Variants in THRB observed in about 807,000 individuals in gnomAD.
The protein encoded by THRB is nuclear receptor subfamily 1 group A member 2.
THRB carries 12 observed loss-of-function variants against 47.8 expected under a neutral mutation model. The observed-to-expected ratio is 0.25, with a 90% confidence interval of 0.16 to 0.41. THRB has a LOEUF of 0.41. THRB is among the 10% of genes least tolerant of loss of function. The pLI, the probability that THRB is intolerant of heterozygous loss-of-function variation, is 1.00. For missense variants in THRB, 348 were observed against 589.2 expected, an observed-to-expected ratio of 0.59 and a Z score of 4.24; for synonymous variants, 218 against 212.2, an observed-to-expected ratio of 1.03 and a Z score of -0.24.
At chr3:24,253,960 T>G (rs1167404262) in intron 3 of THRB, among the ~76,000 whole-genome samples, 1 of 151,778 alleles carries the variant, frequency 6.6e-6, no homozygotes, top group Non-Finnish European at 1.5e-5. Flanking sequence ...CCATTTTTTT[T>G]TTTTCTTACC....
chr3:24,467,349 G>C (rs1297208393), intron 1 of THRB, among the ~76,000 whole-genome samples: 1 of 152,086 alleles, frequency 6.6e-6, no homozygotes, highest in Non-Finnish European at 1.5e-5. Context: ...CCAAACTCCT[G>C]TTAATGTTGA....
intron 10 of THRB, among the ~76,000 whole-genome samples, chr3:24,123,794 G>C (rs2032166538): frequency 6.6e-6 from 1 of 152,120 alleles, no homozygotes; most frequent in Admixed American, 6.5e-5. Context: ...GCAGAGAAGA[G>C]AACAGCTATA....
At chr3:24,457,794 C>T (rs1366629949) in intron 1 of THRB, among the ~76,000 whole-genome samples, 2 of 152,158 alleles carry the variant, frequency 1.3e-5, no homozygotes, top group African/African-American at 2.4e-5. Context: ...GAGTGTAAGA[C>T]ACTGTGTAGC....
intron 3 of THRB, among the ~76,000 whole-genome samples, chr3:24,284,679 T>C (rs1026245242): frequency 1.3e-5 from 2 of 148,988 alleles, no homozygotes; most frequent in African/African-American, 2.6e-5. Flanking sequence ...TGCAACCTAC[T>C]CATCTGACAA....
intron 1 of THRB, among the ~76,000 whole-genome samples, chr3:24,472,071 A>T (rs1694784661): frequency 6.6e-6 from 1 of 152,140 alleles, no homozygotes; most frequent in Non-Finnish European, 1.5e-5. Flanking sequence ...AGAGTAGGAC[A>T]TTTTCCTTAA....
rs147265478 is a variant in THRB at position 24,131,020 on chromosome 3, A to ACAGTG, written c.885+2295_885+2296insCACTG. ...AGTTGGTACAGTGACAGGTGCTGGT[A>ACAGTG]ACGATCTGCTTCTTTTGGTGCCGAT... is the stretch of plus-strand genomic sequence containing the variant. On this transcript the variant is annotated intron_variant, in intron 9 of 10. Coordinates refer to ENST00000646209, the MANE Select transcript of THRB (RefSeq NM_001354712.2). 6.5e-3 allele frequency among the ~76,000 whole-genome samples: 989 copies of ACAGTG among 152,366 alleles called. 10 individuals are homozygous for ACAGTG. Among genetic ancestry groups the ACAGTG allele is most frequent in the African/African-American group, 0.023 (957 of 41,586 alleles).
intron 3 of THRB, among the ~76,000 whole-genome samples, chr3:24,260,950 G>C (rs2051900001): frequency 6.6e-6 from 1 of 152,180 alleles, no homozygotes; most frequent in Non-Finnish European, 1.5e-5. Flanking sequence ...CAACCCCAGA[G>C]TTTCTGAATC....
chr3:24,481,012 C>T (rs1696273527), intron 1 of THRB, among the ~76,000 whole-genome samples: 1 of 152,094 alleles, frequency 6.6e-6, no homozygotes, highest in Non-Finnish European at 1.5e-5. Flanking sequence ...GTTATTGCTG[C>T]CATACAAGTT....
chr3:24,365,130 T>C (rs774353467), intron 1 of THRB, among the ~76,000 whole-genome samples: 3 of 152,188 alleles, frequency 2.0e-5, no homozygotes, highest in Admixed American at 6.6e-5. Flanking sequence ...ACCTGCCACA[T>C]GTATTATTAG....
intron 1 of THRB, among the ~76,000 whole-genome samples, chr3:24,355,904 A>G (rs766442124): frequency 4.6e-5 from 7 of 152,112 alleles, no homozygotes; most frequent in Non-Finnish European, 8.8e-5. Context: ...TTCTATTCCA[A>G]TGGTTCCCCA....
intron 3 of THRB, among the ~76,000 whole-genome samples, chr3:24,281,905 C>T (rs905760944): frequency 4.0e-5 from 6 of 150,934 alleles, no homozygotes; most frequent in African/African-American, 1.5e-4. Flanking sequence ...TATATATGCA[C>T]CCAATACAGG....
At chr3:24,177,784 T>C (rs1205204025) in intron 5 of THRB, among the ~76,000 whole-genome samples, 1 of 152,226 alleles carries the variant, frequency 6.6e-6, no homozygotes, top group African/African-American at 2.4e-5. Context: ...TTATTTCAAA[T>C]GTCAAAATGT....
chr3:24,340,087 T>A (rs1363223360), intron 1 of THRB, among the ~76,000 whole-genome samples: 1 of 152,364 alleles, frequency 6.6e-6, no homozygotes, highest in South Asian at 2.1e-4. Flanking sequence ...TCCCAATTAA[T>A]GCAAATTGAA....
intron 3 of THRB, among the ~76,000 whole-genome samples, chr3:24,293,941 C>T (rs1316683573): frequency 6.6e-6 from 1 of 152,138 alleles, no homozygotes; most frequent in Non-Finnish European, 1.5e-5. Flanking sequence ...AGATTGTTTC[C>T]ACAAATGGCT....
At chr3:24,431,972 C>T (rs1035391153) in intron 1 of THRB, among the ~76,000 whole-genome samples, 2 of 151,962 alleles carry the variant, frequency 1.3e-5, no homozygotes, top group Non-Finnish European at 2.9e-5. Context: ...AAGATATACG[C>T]ACATATGTAG....
chr3:24,193,220 A>G (rs1227705029), intron 4 of THRB, among the ~76,000 whole-genome samples: 1 of 152,188 alleles, frequency 6.6e-6, no homozygotes, highest in Non-Finnish European at 1.5e-5. Context: ...CACAAATGGG[A>G]TATTTCTTTT....
intron 3 of THRB, among the ~76,000 whole-genome samples, chr3:24,251,329 A>T (rs2050647465): frequency 6.6e-6 from 1 of 152,118 alleles, no homozygotes; most frequent in African/African-American, 2.4e-5. Context: ...GAAATTAATA[A>T]AAGTCAGAAA....
intron 3 of THRB, among the ~76,000 whole-genome samples, chr3:24,249,814 A>C (rs2050480506): frequency 5.3e-5 from 8 of 152,164 alleles, no homozygotes; most frequent in Admixed American, 5.2e-4. Flanking sequence ...GGTCTGCAAC[A>C]CCTATTTCAT....
chr3:24,216,387 C>T (rs553846106), intron 4 of THRB, among the ~76,000 whole-genome samples: 2 of 152,232 alleles, frequency 1.3e-5, no homozygotes, highest in South Asian at 2.1e-4. Context: ...AGCCAGATCA[C>T]GAGGTCAGGA....
Sources: gnomAD v4.1 joint callset for allele counts (sites outside exome capture counted in the v4.1 genomes callset) on GRCh38, gnomAD v4.1.1 for gene constraint, MANE v1.5 for transcripts, NCBI Gene and HGNC (gene_info 2026-07-23, HGNC 2026-07-21) for gene names.